The following RCSD1 variants were observed in gnomAD, a reference collection of about 807,000 sequenced individuals.
RCSD1 encodes RCSD domain containing 1, also known as capZ-interacting protein.
RCSD1 carries 26 observed loss-of-function variants against 42.5 expected under a neutral mutation model. The observed-to-expected ratio is 0.61, with a 90% CI of 0.45 to 0.85. RCSD1 has a LOEUF of 0.85. RCSD1 is among the 40% of genes least tolerant of loss of function. The pLI is 0.00. For missense variants in RCSD1, 571 were observed against 528.3 expected (o/e 1.08, Z -0.79); for synonymous variants, 220 against 212.2 (o/e 1.04, Z -0.32).
intron 2 of RCSD1, 50 bp from the exon 3 acceptor site, chr1:167,685,371 G>A (rs545975852): frequency 6.7e-7 from 1 of 1,484,844 alleles, no homozygotes; most frequent in Non-Finnish European, 9.4e-7. Context: ...CCTGTTGCCT[G>A]ATCAGTGCTC....
chr1:167,670,134 C>T (rs1312501857), intron 1 of RCSD1, among the ~76,000 whole-genome samples: 1 of 152,082 alleles, frequency 6.6e-6, no homozygotes, highest in Non-Finnish European at 1.5e-5. Context: ...CTCCTGGAGA[C>T]CAACCACCCT....
chr1:167,645,117 G>C (rs1207712828), intron 1 of RCSD1, among the ~76,000 whole-genome samples: 4 of 152,178 alleles, frequency 2.6e-5, no homozygotes, highest in Admixed American at 2.0e-4. Flanking sequence ...AAAGAATCCA[G>C]ATGACCCACA....
intron 2 of RCSD1, among the ~76,000 whole-genome samples, chr1:167,685,075 T>C (rs552444048): frequency 6.6e-6 from 1 of 152,306 alleles, no homozygotes; most frequent in East Asian, 1.9e-4. Context: ...ATAAAGAAGA[T>C]AGCATTGATC....
intron 1 of RCSD1, among the ~76,000 whole-genome samples, chr1:167,682,344 T>C (rs192454443): frequency 2.6e-5 from 4 of 152,112 alleles, no homozygotes; most frequent in Admixed American, 2.6e-4. Context: ...TAATTTTGTA[T>C]TTTTAGTAGA....
At chr1:167,663,124 G>T (rs12131752) in intron 1 of RCSD1, among the ~76,000 whole-genome samples, 14,389 of 152,162 alleles carry the variant, frequency 0.095, 755 homozygotes, top group Middle Eastern at 0.21. Context: ...GACTCATCTG[G>T]ATCTTCCCTT....
chr1:167,649,631 T>C (rs1244701095), intron 1 of RCSD1, among the ~76,000 whole-genome samples: 3 of 152,070 alleles, frequency 2.0e-5, no homozygotes, highest in East Asian at 1.9e-4. Context: ...ATGAGGCCTT[T>C]AGGAGGCTGG....
At chr1:167,651,838 G>C (rs955817345) in intron 1 of RCSD1, among the ~76,000 whole-genome samples, 1 of 152,014 alleles carries the variant, frequency 6.6e-6, no homozygotes, top group Non-Finnish European at 1.5e-5. Context: ...CCTTCTCCCC[G>C]CTGTTCTTGA....
chr1:167,634,941 AGTGTGTGTGT>A (rs68149146), intron 1 of RCSD1, among the ~76,000 whole-genome samples: 53,601 of 146,502 alleles, frequency 0.37, 9,647 homozygotes, highest in East Asian at 0.61. Flanking sequence ...CTATGATGAG[AGTGTGTGTGT>A]GTGTGTGTGT....
chr1:167,675,673 C>A (rs186709824), intron 1 of RCSD1, among the ~76,000 whole-genome samples: 2 of 152,108 alleles, frequency 1.3e-5, no homozygotes, highest in Non-Finnish European at 2.9e-5. Flanking sequence ...AGCCATAAAA[C>A]GAAACTCAGC....
chr1:167,630,985 T>C (rs1423477176), intron 1 of RCSD1, among the ~76,000 whole-genome samples: 1 of 152,196 alleles, frequency 6.6e-6, no homozygotes, highest in Admixed American at 6.5e-5. Context: ...TCGCATCTTC[T>C]TCCATAACTT....
intron 1 of RCSD1, chr1:167,641,882 G>A (rs191177096): frequency 1.3e-5 from 2 of 152,334 alleles, no homozygotes; most frequent in Non-Finnish European, 2.9e-5. Flanking sequence ...GGCTAGTGTT[G>A]CTGTAACCAT....
intron 1 of RCSD1, among the ~76,000 whole-genome samples, chr1:167,661,856 C>A (rs1658549429): frequency 6.6e-6 from 1 of 152,180 alleles, no homozygotes; most frequent in Non-Finnish European, 1.5e-5. Context: ...TATCTTAGAT[C>A]TTGCATTCAT....
In RCSD1 at chr1:167,684,778, G is replaced by A. The variant is rs1659182807; in HGVS notation, c.109-643G>A. ...AAGCCCAGCTACTCAGGAGGCTGAG[G>A]CAGGAGAATCGCTTGAACCCAGGAG... On this transcript the variant is annotated intron_variant, in intron 2 of 6. Coordinates refer to ENST00000367854, the MANE Select transcript of RCSD1 (RefSeq NM_052862.4). Among the ~76,000 whole-genome samples, 3 of 152,320 alleles carry A rather than the reference G, an allele frequency of 2.0e-5. No individual in the cohort carries two copies. In the South Asian group the frequency reaches 6.2e-4, roughly 32 times the overall value.
intron 1 of RCSD1, among the ~76,000 whole-genome samples, chr1:167,639,253 A>AAACG (rs1657946486): frequency 6.6e-6 from 1 of 151,780 alleles, no homozygotes; most frequent in African/African-American, 2.4e-5. Context: ...AAACAAAAAC[A>AAACG]AACAAACAAA....
In RCSD1 at chr1:167,705,463, G is replaced by A. The variant is rs1571115179; in HGVS notation, c.*767G>A. 1 of 152,174 alleles carries A rather than the reference G, an allele frequency of 6.6e-6. No homozygotes were observed. Among genetic ancestry groups the A allele is most frequent in the East Asian group, 1.9e-4 (1 of 5,190 alleles). The allele number at this position is 152,174 out of a possible 1,614,324, so 9.4% of individuals were successfully genotyped here. A position where few individuals can be genotyped will look rare whatever the true frequency, so the allele number is the denominator to read the frequency against. ...CTTGAGAATGTGGAGAACTCCCATG[G>A]AGAGGCAGAATGGCAGGAGGTTTCA... On this transcript the variant is annotated 3_prime_UTR_variant, in exon 7 of 7. Transcript: ENST00000367854.
chr1:167,664,320 C>T (rs1658603467), intron 1 of RCSD1: 1 of 152,284 alleles, frequency 6.6e-6, no homozygotes, highest in Admixed American at 6.5e-5. Context: ...CTGCCAGCCT[C>T]CTGCAGCCAC....
At chr1:167,659,523 A>T (rs938071756) in intron 1 of RCSD1, among the ~76,000 whole-genome samples, 2 of 152,082 alleles carry the variant, frequency 1.3e-5, no homozygotes, top group Non-Finnish European at 2.9e-5. Flanking sequence ...ACTGCATCCT[A>T]TGTTTCAACT....
intron 1 of RCSD1, among the ~76,000 whole-genome samples, chr1:167,652,436 A>T (rs1440237339): frequency 2.0e-5 from 3 of 152,190 alleles, no homozygotes; most frequent in African/African-American, 4.8e-5. Flanking sequence ...CACCGGGCCC[A>T]GATACTTGAG....
At chr1:167,692,678 A>T (rs189970520) in intron 4 of RCSD1, among the ~76,000 whole-genome samples, 25 of 152,104 alleles carry the variant, frequency 1.6e-4, no homozygotes, top group Admixed American at 1.4e-3. Context: ...CTGCTTTTTG[A>T]CATGGTTTGG....
Sources: allele counts gnomAD v4.1 joint callset (sites outside exome capture counted in the v4.1 genomes callset), GRCh38; gene constraint gnomAD v4.1.1; transcripts MANE v1.5; gene names NCBI Gene and HGNC (gene_info 2026-07-23, HGNC 2026-07-21).